Variants in COL16A1 observed in about 807,000 individuals in gnomAD.
COL16A1 encodes collagen alpha-1(XVI) chain.
Under a neutral mutation model 266.3 loss-of-function variants are expected in COL16A1, and 189 were observed. That is an observed-to-expected ratio of 0.71 (90% confidence interval 0.63 to 0.80). COL16A1 has a LOEUF of 0.80. Ranked by LOEUF, COL16A1 falls within the 30% of genes least tolerant of loss-of-function variation. COL16A1 has a pLI of 0.00. For missense variants in COL16A1, 1,928 were observed against 2,122.4 expected (o/e 0.91, Z 1.80); for synonymous variants, 740 against 782.3 (o/e 0.95, Z 0.90).
In COL16A1 at chr1:31,670,611, G is replaced by C. The variant is rs532421475; in HGVS notation, c.3186C>G (p.Pro1062=). The change falls in exon 49 of 71, where the codon CCC becomes CCG. Residue 1062 remains proline (P), a synonymous_variant. Transcript: ENST00000373672. This position sits in a 1 kb window ranked among gnomAD's most constrained non-coding sequence, Gnocchi z 4.5. ...AGCGCTAGGTTCTTACAGGCAATCC[G>C]GGGGAGCCAACAGCACCAGGAAAAC... is the stretch of plus-strand genomic sequence containing the variant. ...PPGFPGAVGS[P]GLPGLQGERG... is the part of the protein sequence containing the mutation. The C allele has an allele frequency of 2.1e-6, 3 of 1,413,188 alleles. No homozygotes were observed. Among genetic ancestry groups the C allele is most frequent in the East Asian group, 3.1e-5 (1 of 32,778 alleles). The allele number at this position is 1,413,188 out of a possible 1,614,324, so 87.5% of individuals were successfully genotyped here.
chr1:31,680,975 A>T, intron 38 of COL16A1, 44 bp from the exon 39 acceptor site: 2 of 1,614,024 alleles, frequency 1.2e-6, no homozygotes, highest in Non-Finnish European at 1.7e-6. Flanking sequence ...AGGGGTGCCG[A>T]GGCAGGGCCG....
rs1358243043 is a variant in COL16A1, at chr1:31,693,104, C to T, written c.1059G>A (p.Glu353=). ...CTGGGACACTTACCCGTGCTCCCTTCTCTCCCTTGGAGCCTGGTGGACCAG... is the reference window on the plus strand; with the variant it reads ...CTGGGACACTTACCCGTGCTCCCTTTTCTCCCTTGGAGCCTGGTGGACCAG... ...GLPGPPGSKG[E]KGARGNDCVR... is the part of the protein sequence containing the mutation. Residue 353 remains glutamate (E), a synonymous_variant, in exon 13 of 71, where the codon GAG becomes GAA. Coordinates refer to ENST00000373672, the MANE Select transcript of COL16A1 (RefSeq NM_001856.4). The T allele has an allele frequency of 6.2e-7, 1 of 1,610,542 alleles. No individual in the cohort carries two copies. Among genetic ancestry groups the T allele is most frequent in the South Asian group, 1.1e-5 (1 of 90,918 alleles).
In COL16A1 at chr1:31,663,885, C is replaced by T. The variant is rs1275803703; in HGVS notation, c.3556-1227G>A. 1.3e-5 allele frequency among the ~76,000 whole-genome samples: 2 copies of T among 152,132 alleles called. No homozygotes were observed. The highest frequency in any genetic ancestry group is 4.8e-5 in the African/African-American group (2 of 41,414). On this transcript the variant is annotated intron_variant, in intron 56 of 70. Transcript: ENST00000373672. This position sits in a 1 kb window ranked among gnomAD's most constrained non-coding sequence, Gnocchi z 4.9. ...AGCAGCATAGCGGGGAAGGTGGCTGCATTCTCCCAGTGTGGAGAGGGTGGC... is the reference window on the plus strand; with the variant it reads ...AGCAGCATAGCGGGGAAGGTGGCTGTATTCTCCCAGTGTGGAGAGGGTGGC...
At chr1:31,701,015 T>C (rs1644705125) in intron 2 of COL16A1, among the ~76,000 whole-genome samples, 1 of 151,918 alleles carries the variant, frequency 6.6e-6, no homozygotes, top group Non-Finnish European at 1.5e-5. Context: ...GAGGCCAGAA[T>C]CAAAAAGGCC....
chr1:31,693,329 G>C (rs1271089235), intron 12 of COL16A1, 175 bp from the exon 13 acceptor site: 3 of 619,614 alleles, frequency 4.8e-6, no homozygotes, highest in Non-Finnish European at 5.9e-6. Flanking sequence ...CAAGCATATG[G>C]ATTCCACACC....
At chr1:31,665,551 G>C (rs1003128491) in intron 55 of COL16A1, 32 bp downstream of exon 55, 1 of 1,614,010 alleles carries the variant, frequency 6.2e-7, no homozygotes, top group African/African-American at 1.3e-5. Context: ...GACCACATCA[G>C]ACAGAGCTGG....
At chr1:31,658,265 G>A (rs1641341851) in intron 64 of COL16A1, among the ~76,000 whole-genome samples, 1 of 152,242 alleles carries the variant, frequency 6.6e-6, no homozygotes, top group African/African-American at 2.4e-5. Context: ...TGATGCTGAG[G>A]CACCGTCATG....
rs1570306462 is a variant in COL16A1 at position 31,652,645 on chromosome 1, G to A, written c.*6C>T. On this transcript the variant is annotated 3_prime_UTR_variant, in exon 71 of 71. Coordinates refer to ENST00000373672, the MANE Select transcript of COL16A1 (RefSeq NM_001856.4). The surrounding 1 kb of genome is among the most constrained non-coding windows in gnomAD (Gnocchi z 4.8). ...GAGTCTTTCATCCAAAGGCAGGTGGGGAATTTCAGCCAAAAGGCCCCTTCA... is the reference window on the plus strand; with the variant it reads ...GAGTCTTTCATCCAAAGGCAGGTGGAGAATTTCAGCCAAAAGGCCCCTTCA... The A allele has an allele frequency of 6.4e-7, 1 of 1,566,822 alleles. No individual in the cohort carries two copies. The highest frequency in any genetic ancestry group is 2.3e-5 in the East Asian group (1 of 43,444).
chr1:31,677,083 TTTA>T (rs144646000), intron 42 of COL16A1, among the ~76,000 whole-genome samples: 76,113 of 151,440 alleles, frequency 0.5, 19,706 homozygotes, highest in South Asian at 0.59. Flanking sequence ...TTATTTTTTA[TTTA>T]TTATTATTAT....
At chr1:31,675,613 C>T (rs1166174762) in intron 42 of COL16A1, among the ~76,000 whole-genome samples, 1 of 152,156 alleles carries the variant, frequency 6.6e-6, no homozygotes, top group Non-Finnish European at 1.5e-5. Context: ...TATTTCTGTG[C>T]TAAGTCGTTT....
intron 69 of COL16A1, 30 bp from the exon 70 acceptor site, chr1:31,653,706 C>T (rs768379289): frequency 6.2e-7 from 1 of 1,603,706 alleles, no homozygotes. Context: ...TAAGTCCTAT[C>T]CCTGAGCAGA....
At chr1:31,667,703 G>C in intron 51 of COL16A1, 75 bp from the exon 52 acceptor site, 1 of 1,381,790 alleles carries the variant, frequency 7.2e-7, no homozygotes, top group Non-Finnish European at 1.0e-6. Flanking sequence ...GAGGAGCGGA[G>C]ACTGCAGCTG....
In COL16A1 at chr1:31,685,995, C is replaced by G; in HGVS notation, c.1884+96G>C. On this transcript the variant is annotated intron_variant, in intron 28 of 70. Transcript: ENST00000373672. The surrounding 1 kb of genome is among the most constrained non-coding windows in gnomAD (Gnocchi z 4.0). ...AAGGAGTCAGACTCTGCCCGACAGA[C>G]AGCAAGGAGCCCCAGAGGGTTCGAA... 3 of 1,557,494 alleles carry G rather than the reference C, an allele frequency of 1.9e-6. No homozygotes were observed. Among genetic ancestry groups the G allele is most frequent in the Non-Finnish European group, 2.6e-6 (3 of 1,147,948 alleles).
At position 31,688,547 on chromosome 1, in the gene COL16A1, C is replaced by T. The variant is rs1324176966; in HGVS notation, c.1768-45G>A. 3 of 1,613,754 alleles carry T rather than the reference C, an allele frequency of 1.9e-6. No homozygotes were observed. The highest frequency in any genetic ancestry group is 2.5e-6 in the Non-Finnish European group (3 of 1,179,658). On this transcript the variant is annotated intron_variant, in intron 25 of 70. Coordinates refer to ENST00000373672, the MANE Select transcript of COL16A1 (RefSeq NM_001856.4). The surrounding 1 kb of genome is among the most constrained non-coding windows in gnomAD (Gnocchi z 4.9). ...GAGTCTCAGCATCTCCCCACTCCCA[C>T]CTCTCCAAGGCTCCCCGGGTCCCAG...
Position 31,657,167 on chromosome 1 carries a change from C to T in COL16A1, c.4021-99G>A. 2.0e-6 allele frequency: 3 copies of T among 1,477,728 alleles called. No individual in the cohort carries two copies. The highest frequency in any genetic ancestry group is 3.4e-5 in the Admixed American group (2 of 59,302). The allele number at this position is 1,477,728 out of a possible 1,614,324, so 91.5% of individuals were successfully genotyped here. On this transcript the variant is annotated intron_variant, in intron 64 of 70. Coordinates refer to ENST00000373672, the MANE Select transcript of COL16A1 (RefSeq NM_001856.4). This position sits in a 1 kb window ranked among gnomAD's most constrained non-coding sequence, Gnocchi z 6.4. ...GGGGCAAGCCCAGCCCCCTGTTCCA[C>T]CCAGAGGCCACGATCCTCCAGCCCT...
At position 31,665,899 on chromosome 1, in the gene COL16A1, C is replaced by A. The variant is rs749963912; in HGVS notation, c.3439G>T (p.Gly1147Cys). The part of the protein sequence containing the change: ...RGERGPQGNS[G>C]EKGDQGFQGQ... ...TCACTCACCTGGTCGCCCTTCTCAC[C>A]GGAGTTACCTTGGGGTCCTCGCTCT... Residue 1147 changes from glycine (G) to cysteine (C), a missense_variant, in exon 54 of 71, where the codon GGT becomes TGT. By Grantham distance (159) the Gly-to-Cys change is radical (BLOSUM62 -3). Around this residue, in one of 2 missense-constraint regions of COL16A1, gnomAD observed 1,552 missense variants for 1,637.2 expected, o/e 0.95. Coordinates refer to ENST00000373672, the MANE Select transcript of COL16A1 (RefSeq NM_001856.4). 8 of 1,614,130 alleles carry A rather than the reference C, an allele frequency of 5.0e-6. No individual in the cohort carries two copies. Among genetic ancestry groups the A allele is most frequent in the Non-Finnish European group, 6.8e-6 (8 of 1,180,008 alleles).
In COL16A1 at chr1:31,700,026, T is replaced by G; in HGVS notation, c.148+15A>C. ...AGGTTGCAGGGACGGCGCGATGAGA[T>G]GGTTGGGTGCTCACCAGTCACGTTG... On this transcript the variant is annotated intron_variant, in intron 3 of 70. Transcript: ENST00000373672. 6.2e-7 allele frequency: 1 copy of G among 1,613,960 alleles called. No individual in the cohort carries two copies. Among genetic ancestry groups the G allele is most frequent in the Non-Finnish European group, 8.5e-7 (1 of 1,179,918 alleles).
At chr1:31,662,812 A>G in intron 56 of COL16A1, 154 bp from the exon 57 acceptor site, 3 of 717,708 alleles carry the variant, frequency 4.2e-6, no homozygotes, top group Non-Finnish European at 6.8e-6. Context: ...GTCTAACTGC[A>G]TATGTGCCAC....
intron 31 of COL16A1, 97 bp from the exon 32 acceptor site, chr1:31,684,328 C>T (rs900586546): frequency 2.8e-6 from 4 of 1,445,788 alleles, no homozygotes; most frequent in Non-Finnish European, 3.6e-6. Context: ...CCCTTGAATG[C>T]TCCCACGTCA....
Sources: allele counts gnomAD v4.1 joint callset (sites outside exome capture counted in the v4.1 genomes callset), GRCh38; gene constraint gnomAD v4.1.1; regional missense constraint gnomAD v4.1.1; non-coding constraint Gnocchi (gnomAD v3.1); transcripts MANE v1.5; gene names NCBI Gene and HGNC (gene_info 2026-07-23, HGNC 2026-07-21).